SPRED2: variants seen among roughly 807,000 people sequenced by gnomAD.
SPRED2 encodes the protein sprouty-related, EVH1 domain-containing protein 2.
Under a neutral mutation model 43.0 loss-of-function variants are expected in SPRED2, and 47 were observed. The observed-to-expected ratio is 1.09, with a 90% CI of 0.87 to 1.40. SPRED2 has a LOEUF of 1.40. SPRED2 is among the 40% of genes most tolerant of loss of function. The pLI is 0.00. For synonymous variants in SPRED2, 225 were observed against 225.7 expected (o/e 1.00, Z 0.03); for missense variants, 561 against 586.4 (o/e 0.96, Z 0.45).
At position 65,371,558 on chromosome 2, in the gene SPRED2, T is replaced by C. The variant is rs57032298; in HGVS notation, c.27-26662A>G. On this transcript the variant is annotated intron_variant, in intron 1 of 5. Transcript: ENST00000356388. The stretch of plus-strand genomic sequence containing the variant: ...GCAGATGATTTCTATTGTTACCTAG[T>C]AGAGCCGGGCCTTCAGTACACACAG... Among the ~76,000 whole-genome samples the C allele has an allele frequency of 2.3e-3, 350 of 152,270 alleles. 4 individuals carry two copies. Among genetic ancestry groups the C allele is most frequent in the African/African-American group, 8.2e-3 (342 of 41,554 alleles).
intron 2 of SPRED2, among the ~76,000 whole-genome samples, chr2:65,337,436 T>A (rs1202155039): frequency 6.6e-6 from 1 of 151,958 alleles, no homozygotes; most frequent in African/African-American, 2.4e-5. Context: ...AAGAAATACA[T>A]GTTGTGGGAG....
chr2:65,314,080 C>G lies in SPRED2; in HGVS notation c.678G>C (p.Thr226=), dbSNP rs147569215. Residue 226 remains threonine (T), a synonymous_variant, in exon 6 of 6, where the codon ACG becomes ACC. Transcript: ENST00000356388. The stretch of plus-strand genomic sequence containing the variant: ...GTGCGTGCCGGTAATCCTCGTACCC[C>G]GTCATCCAGATCTTCTCCCGGGGGT... ...RINPREKIWM[T]GYEDYRHAPV... is the part of the protein sequence containing the mutation. The G allele has an allele frequency of 1.6e-5, 26 of 1,613,856 alleles. No individual in the cohort carries two copies. The highest frequency in any genetic ancestry group is 1.1e-4 in the East Asian group (5 of 44,890).
In SPRED2 at chr2:65,311,570, G is replaced by C; in HGVS notation, c.*1931C>G. 1.0e-6 allele frequency: 1 copy of C among 985,860 alleles called. No individual in the cohort carries two copies. The highest frequency in any genetic ancestry group is 1.2e-6 in the Non-Finnish European group (1 of 829,942). 61.1% of individuals were successfully genotyped at this position (985,860 alleles called of 1,614,324 possible). A position where few individuals can be genotyped will look rare whatever the true frequency, so the allele number is the denominator to read the frequency against. ...GACCCCAAGGAAGTGCCTCCGGGTCGGGGGAAGGTGGTCTCTCGACAGCAC... is the reference window on the plus strand; with the variant it reads ...GACCCCAAGGAAGTGCCTCCGGGTCCGGGGAAGGTGGTCTCTCGACAGCAC... On this transcript the variant is annotated 3_prime_UTR_variant, in exon 6 of 6. Transcript: ENST00000356388.
intron 1 of SPRED2, among the ~76,000 whole-genome samples, chr2:65,411,929 C>T (rs1004920017): frequency 6.6e-6 from 1 of 152,012 alleles, no homozygotes; most frequent in Non-Finnish European, 1.5e-5. Context: ...AGACGGAGAC[C>T]ATCCTGGCCA....
At chr2:65,398,896 C>G (rs1288626311) in intron 1 of SPRED2, among the ~76,000 whole-genome samples, 1 of 152,178 alleles carries the variant, frequency 6.6e-6, no homozygotes, top group African/African-American at 2.4e-5. Context: ...GAAGAAGATA[C>G]TTTCACATTC....
At chr2:65,324,320 G>A (rs1019181995) in intron 4 of SPRED2, among the ~76,000 whole-genome samples, 5 of 152,122 alleles carry the variant, frequency 3.3e-5, no homozygotes, top group Non-Finnish European at 7.4e-5. Flanking sequence ...AAATAATAAT[G>A]GACCTTAATG....
At chr2:65,417,852 A>G (rs1317938652) in intron 1 of SPRED2, among the ~76,000 whole-genome samples, 1 of 152,234 alleles carries the variant, frequency 6.6e-6, no homozygotes, top group African/African-American at 2.4e-5. Flanking sequence ...TTCAGCGAGA[A>G]AGGGCAAAGC....
At chr2:65,418,104 T>G (rs906816196) in intron 1 of SPRED2, among the ~76,000 whole-genome samples, 1 of 152,206 alleles carries the variant, frequency 6.6e-6, no homozygotes, top group South Asian at 2.1e-4. Context: ...CCAGCTGAGA[T>G]CTGTCAGACA....
chr2:65,426,696 G>C (rs753897758), intron 1 of SPRED2, among the ~76,000 whole-genome samples: 15 of 152,126 alleles, frequency 9.9e-5, no homozygotes, highest in Non-Finnish European at 2.1e-4. Context: ...GATGGCTGGG[G>C]GCATGAGCAG....
intron 1 of SPRED2, among the ~76,000 whole-genome samples, chr2:65,371,386 T>G: frequency 6.6e-6 from 1 of 152,254 alleles, no homozygotes; most frequent in South Asian, 2.1e-4. Context: ...TAAACTGGGG[T>G]GTACTTAGAT....
intron 1 of SPRED2, among the ~76,000 whole-genome samples, chr2:65,413,633 T>C (rs1379320701): frequency 6.6e-6 from 1 of 152,114 alleles, no homozygotes. Context: ...ACCCAGGCAT[T>C]CCACATCAAG....
At chr2:65,381,136 T>C (rs1024685501) in intron 1 of SPRED2, among the ~76,000 whole-genome samples, 6 of 152,240 alleles carry the variant, frequency 3.9e-5, no homozygotes, top group East Asian at 1.9e-4. Context: ...TCTTACCCCT[T>C]TGCTCATTTC....
intron 1 of SPRED2, among the ~76,000 whole-genome samples, chr2:65,413,730 T>A (rs1676214073): frequency 6.6e-6 from 1 of 152,180 alleles, no homozygotes; most frequent in Non-Finnish European, 1.5e-5. Context: ...TATTTTCTGA[T>A]CCTGTGTTTC....
At chr2:65,334,072 C>T in intron 3 of SPRED2, 1 of 377,684 alleles carries the variant, frequency 2.6e-6, no homozygotes, top group East Asian at 7.5e-5. Flanking sequence ...AAGGGCCCTC[C>T]AGGCCACGAT....
In SPRED2 at chr2:65,313,443, A is replaced by G. The variant is rs1487924594; in HGVS notation, c.*58T>C. 8 of 1,549,532 alleles carry G rather than the reference A, an allele frequency of 5.2e-6. No individual in the cohort carries two copies. The highest frequency in any genetic ancestry group is 6.1e-6 in the Non-Finnish European group (7 of 1,151,264). ...AGGGAGCGGGGGAGAAGATGAGAGT[A>G]TGTAAGAGACGAGTTCCCCTGTGGC... is the stretch of plus-strand genomic sequence containing the variant. On this transcript the variant is annotated 3_prime_UTR_variant, in exon 6 of 6. Coordinates refer to ENST00000356388, the MANE Select transcript of SPRED2 (RefSeq NM_181784.3).
At chr2:65,353,001 A>C (rs1177255941) in intron 1 of SPRED2, among the ~76,000 whole-genome samples, 4 of 152,222 alleles carry the variant, frequency 2.6e-5, no homozygotes, top group Non-Finnish European at 4.4e-5. Context: ...AGTTTTAGGA[A>C]TAGAACCCTT....
chr2:65,363,000 G>GTTTTTTTTTTTTTTTTTTTTTTTT (rs759784526), intron 1 of SPRED2, among the ~76,000 whole-genome samples: 1 of 66,984 alleles, frequency 1.5e-5, no homozygotes, highest in African/African-American at 7.0e-5. Context: ...TGGTCATCAT[G>GTTTTTTTTTTTTTTTTTTTTTTTT]TTTTGTTTTT....
At chr2:65,346,835 T>C (rs546881681) in intron 1 of SPRED2, among the ~76,000 whole-genome samples, 4 of 152,252 alleles carry the variant, frequency 2.6e-5, no homozygotes, top group East Asian at 3.9e-4. Context: ...CTTCCCTTCA[T>C]TCCTTGAAGA....
At chr2:65,430,510 G>C (rs2103825194) in intron 1 of SPRED2, among the ~76,000 whole-genome samples, 1 of 152,346 alleles carries the variant, frequency 6.6e-6, no homozygotes, top group Non-Finnish European at 1.5e-5. Flanking sequence ...AGATTTCCTA[G>C]AGTAGGGCAC....
Sources: gnomAD v4.1 joint callset for allele counts (sites outside exome capture counted in the v4.1 genomes callset) on GRCh38, gnomAD v4.1.1 for gene constraint, MANE v1.5 for transcripts, NCBI Gene and HGNC (gene_info 2026-07-23, HGNC 2026-07-21) for gene names.